PCDHGA9: variants seen among roughly 807,000 people sequenced by gnomAD.
PCDHGA9 encodes the protein protocadherin gamma subfamily A, 9, also known as protocadherin gamma-A9.
PCDHGA9 carries 37 observed loss-of-function variants against 62.5 expected under a neutral mutation model. That is an observed-to-expected ratio of 0.59 (90% CI 0.46 to 0.78). The LOEUF (loss-of-function observed/expected upper bound fraction) is 0.78, where lower values mean the gene tolerates loss of function less well. Ranked by LOEUF, PCDHGA9 falls within the 30% of genes least tolerant of loss-of-function variation. The pLI, the probability that PCDHGA9 is intolerant of heterozygous loss-of-function variation, is 0.00. For missense variants in PCDHGA9, 1,138 were observed against 1,166.2 expected, an observed-to-expected ratio of 0.98 and a Z score of 0.35; for synonymous variants, 459 against 484.6, an observed-to-expected ratio of 0.95 and a Z score of 0.69.
rs776015544 is a variant in PCDHGA9, at chr5:141,485,125, G to C, written c.2425-9682G>C. The C allele has an allele frequency of 7.1e-7, 1 of 1,412,278 alleles. No homozygotes were observed. Among genetic ancestry groups the C allele is most frequent in the Admixed American group, 1.7e-5 (1 of 57,660 alleles). 87.5% of individuals were successfully genotyped at this position (1,412,278 alleles called of 1,614,324 possible). On this transcript the variant is annotated intron_variant, in intron 1 of 3. Transcript: ENST00000573521. The surrounding 1 kb of genome is among the most constrained non-coding windows in gnomAD (Gnocchi z 5.7). The stretch of plus-strand genomic sequence containing the variant: ...CTGCTGTGGCTGTTTGGGGCGGGTC[G>C]GCTTCATCCGCGTCTCAGGAGCAAG...
rs759272109 is a variant in PCDHGA9, at chr5:141,420,170, G to A, written c.2424+14794G>A. ...TCCAGAATTTAATTTTTTCACATCTGTTGATCATTGTCCAGCCACACAAGA... is the reference window on the plus strand; with the variant it reads ...TCCAGAATTTAATTTTTTCACATCTATTGATCATTGTCCAGCCACACAAGA... On this transcript the variant is annotated intron_variant, in intron 1 of 3. Coordinates refer to ENST00000573521, the MANE Select transcript of PCDHGA9 (RefSeq NM_018921.3). 22 of 1,613,846 alleles carry A rather than the reference G, an allele frequency of 1.4e-5. No homozygotes were observed. Among genetic ancestry groups the A allele is most frequent in the Non-Finnish European group, 1.8e-5 (21 of 1,179,888 alleles).
At chr5:141,470,165 G>C (rs559578238) in intron 1 of PCDHGA9, among the ~76,000 whole-genome samples, 1 of 152,276 alleles carries the variant, frequency 6.6e-6, no homozygotes, top group Non-Finnish European at 1.5e-5. Context: ...TCAAATCAAA[G>C]TATGCAAAAT....
chr5:141,500,870 A>C (rs2099803097), intron 2 of PCDHGA9, among the ~76,000 whole-genome samples: 1 of 139,794 alleles, frequency 7.2e-6, no homozygotes, highest in African/African-American at 2.8e-5. Context: ...ATACACATTC[A>C]TTTACAATTT....
At chr5:141,427,401 G>A (rs2097022075) in intron 1 of PCDHGA9, 1 of 461,400 alleles carries the variant, frequency 2.2e-6, no homozygotes, top group Non-Finnish European at 4.3e-6. Flanking sequence ...ACATGATAAA[G>A]ATTCGAGAGA....
In PCDHGA9 at chr5:141,505,435, G is replaced by A. The variant is rs1274195652; in HGVS notation, c.2526G>A (p.Gln842=). The change falls in exon 3 of 4, where the codon CAG becomes CAA. Residue 842 remains glutamine, a synonymous_variant. Transcript: ENST00000573521. ...GDDTGTWPNN[Q]FDTEMLQAMI... is the part of the protein sequence containing the mutation. ...ACACCGGCACCTGGCCCAACAACCA[G>A]TTTGACACAGAGATGCTGCAAGCCA... 1 of 1,614,096 alleles carries A rather than the reference G, an allele frequency of 6.2e-7. No homozygotes were observed. Among genetic ancestry groups the A allele is most frequent in the African/African-American group, 1.3e-5 (1 of 74,936 alleles).
intron 2 of PCDHGA9, among the ~76,000 whole-genome samples, chr5:141,502,408 G>A (rs1197275813): frequency 6.6e-6 from 1 of 151,782 alleles, no homozygotes; most frequent in Non-Finnish European, 1.5e-5. Context: ...CCCGAACCTG[G>A]ATTTGCTGGC....
At position 141,486,238 on chromosome 5, in the gene PCDHGA9, G is replaced by C. The variant is rs1414434705; in HGVS notation, c.2425-8569G>C. 6.2e-7 allele frequency: 1 copy of C among 1,614,058 alleles called. No homozygotes were observed. The highest frequency in any genetic ancestry group is 8.5e-7 in the Non-Finnish European group (1 of 1,180,024). On this transcript the variant is annotated intron_variant, in intron 1 of 3. Coordinates refer to ENST00000573521, the MANE Select transcript of PCDHGA9 (RefSeq NM_018921.3). This position sits in a 1 kb window ranked among gnomAD's most constrained non-coding sequence, Gnocchi z 5.0. ...CCCCTTACATCACAGTGACCTCAGA[G>C]CTTGGAACCCTCCCCGAGAGTGCAG... is the stretch of plus-strand genomic sequence containing the variant.
chr5:141,414,066 A>G, intron 1 of PCDHGA9: 2 of 1,608,358 alleles, frequency 1.2e-6, no homozygotes, highest in African/African-American at 1.3e-5. Context: ...TGAAGTTCCA[A>G]CTAAACAAAT....
In PCDHGA9 at chr5:141,490,729, C is replaced by G. The variant is rs1365931429; in HGVS notation, c.2425-4078C>G. ...CCTCACCTACTCCATTGTAGGAAAT[C>G]AGGTTCAGGGAGCCCCAGCCTCCTC... On this transcript the variant is annotated intron_variant, in intron 1 of 3. Coordinates refer to ENST00000573521, the MANE Select transcript of PCDHGA9 (RefSeq NM_018921.3). The surrounding 1 kb of genome is among the most constrained non-coding windows in gnomAD (Gnocchi z 5.4). 1 of 1,614,184 alleles carries G rather than the reference C, an allele frequency of 6.2e-7. No homozygotes were observed.
At chr5:141,421,009 T>C (rs948913987) in intron 1 of PCDHGA9, 1 of 515,496 alleles carries the variant, frequency 1.9e-6, no homozygotes, top group East Asian at 3.2e-5. Flanking sequence ...AATCAGGGAA[T>C]GGGAAGCTGC....
At chr5:141,423,227 A>C (rs1305722929) in intron 1 of PCDHGA9, 5 of 1,613,634 alleles carry the variant, frequency 3.1e-6, no homozygotes, top group Non-Finnish European at 2.5e-6. Context: ...GCTGTGGCCG[A>C]CAGCATCCCC....
At chr5:141,441,196 G>C (rs575668023) in intron 1 of PCDHGA9, 2 of 152,266 alleles carry the variant, frequency 1.3e-5, no homozygotes, top group East Asian at 3.9e-4. Flanking sequence ...GATTCCCAAA[G>C]ATTCTGCACC....
At chr5:141,481,732 T>G (rs549671056) in intron 1 of PCDHGA9, among the ~76,000 whole-genome samples, 33 of 151,884 alleles carry the variant, frequency 2.2e-4, no homozygotes, top group Non-Finnish European at 4.3e-4. Context: ...GGCGGGCGGA[T>G]CACGAGGTCA....
rs373591066 is a variant in PCDHGA9, at chr5:141,404,487, G to T, written c.1535G>T (p.Gly512Val). 8 of 1,613,840 alleles carry T rather than the reference G, an allele frequency of 5.0e-6. No homozygotes were observed. In the East Asian group the frequency reaches 1.8e-4, roughly 36 times the overall value. Reference protein sequence around the residue: ...STYVSINSDTGVLYALCSFDY... With the variant: ...STYVSINSDTVVLYALCSFDY... The stretch of plus-strand genomic sequence containing the variant: ...TATGTCTCTATTAACTCAGACACTG[G>T]TGTGCTGTATGCTCTGTGCTCCTTT... The change falls in exon 1 of 4, where the codon GGT becomes GTT. Residue 512 changes from glycine to valine, a missense_variant. By Grantham distance (109) the Gly-to-Val change is moderately radical. Transcript: ENST00000573521.
Position 141,511,376 on chromosome 5 carries a change from G to C in PCDHGA9, c.*203G>C. ...CCAGGGGGTTGAATATGCAAAAGCA[G>C]TTCCGCTGGGAACCCCCATCCAATC... On this transcript the variant is annotated 3_prime_UTR_variant, in exon 4 of 4. Coordinates refer to ENST00000573521, the MANE Select transcript of PCDHGA9 (RefSeq NM_018921.3). 1 of 1,211,520 alleles carries C rather than the reference G, an allele frequency of 8.3e-7. No homozygotes were observed. The allele number at this position is 1,211,520 out of a possible 1,614,324, so 75.0% of individuals were successfully genotyped here.
chr5:141,475,929 C>A, intron 1 of PCDHGA9: 1 of 634,624 alleles, frequency 1.6e-6, no homozygotes, highest in Non-Finnish European at 2.7e-6. Context: ...GGAGATCGGG[C>A]CCCTGCCCGT....
At chr5:141,418,863 TAG>T (rs1165304037) in intron 1 of PCDHGA9, 1 of 1,613,990 alleles carries the variant, frequency 6.2e-7, no homozygotes, top group Non-Finnish European at 8.5e-7. Context: ...AAAGTAATTG[TAG>T]AAGTTGTAGA....
chr5:141,505,621 A>G (rs1170133157), intron 3 of PCDHGA9, 140 bp downstream of exon 3: 5 of 1,495,758 alleles, frequency 3.3e-6, no homozygotes, highest in South Asian at 2.6e-5. Context: ...AGGACCCACA[A>G]TTCCAAACAT....
Position 141,477,584 on chromosome 5 carries a change from G to A in PCDHGA9, c.2425-17223G>A. 5 of 1,614,148 alleles carry A rather than the reference G, an allele frequency of 3.1e-6. No homozygotes were observed. Among genetic ancestry groups the A allele is most frequent in the Non-Finnish European group, 4.2e-6 (5 of 1,180,032 alleles). On this transcript the variant is annotated intron_variant, in intron 1 of 3. Coordinates refer to ENST00000573521, the MANE Select transcript of PCDHGA9 (RefSeq NM_018921.3). This position sits in a 1 kb window ranked among gnomAD's most constrained non-coding sequence, Gnocchi z 4.9. ...CTGGGACCCCGACGCCCCGCAGAAT[G>A]CTCGGCTTTCTTTCTTTCTCTTGGA...
Sources: gnomAD v4.1 joint callset for allele counts (sites outside exome capture counted in the v4.1 genomes callset) on GRCh38, gnomAD v4.1.1 for gene constraint, Gnocchi (gnomAD v3.1) non-coding constraint, MANE v1.5 for transcripts, NCBI Gene and HGNC (gene_info 2026-07-23, HGNC 2026-07-21) for gene names.